Variants in FRS2 observed in about 807,000 individuals in gnomAD.
FRS2 encodes fibroblast growth factor receptor substrate 2.
A neutral mutation model predicts 43.9 loss-of-function variants in FRS2; 8 were observed. The ratio of observed to expected loss-of-function variants is 0.18; its 90% CI spans 0.11 to 0.33. The LOEUF is 0.33. FRS2 is among the 10% of genes least tolerant of loss of function. The pLI is 1.00. For synonymous variants in FRS2, 219 were observed against 220.3 expected (o/e 0.99, Z 0.05); for missense variants, 534 against 627.6 (o/e 0.85, Z 1.59).
chr12:69,529,514 C>G (rs1048150170), intron 1 of FRS2, among the ~76,000 whole-genome samples: 1 of 151,922 alleles, frequency 6.6e-6, no homozygotes, highest in Admixed American at 6.6e-5. Flanking sequence ...ATCCCAGCTA[C>G]TCGGGAGGCT....
chr12:69,535,619 T>C (rs950605992), intron 3 of FRS2, among the ~76,000 whole-genome samples: 1 of 152,212 alleles, frequency 6.6e-6, no homozygotes, highest in African/African-American at 2.4e-5. Flanking sequence ...TTTTTATAAA[T>C]GTTCCATGTG....
intron 3 of FRS2, among the ~76,000 whole-genome samples, chr12:69,548,073 A>C (rs891530371): frequency 1.8e-4 from 27 of 152,094 alleles, no homozygotes; most frequent in Middle Eastern, 3.4e-3. Flanking sequence ...GGCTGGTCTT[A>C]AACTCCTGGC....
chr12:69,518,503 T>G (rs1265966784), intron 1 of FRS2, among the ~76,000 whole-genome samples: 1 of 151,916 alleles, frequency 6.6e-6, no homozygotes, highest in African/African-American at 2.4e-5. Context: ...GCTCAGGAGT[T>G]TGACACCAGC....
rs1355686269 is a variant in FRS2, at chr12:69,574,590, C to G, written c.1162C>G (p.Pro388Ala). 1.2e-6 allele frequency: 2 copies of G among 1,613,828 alleles called. No individual in the cohort carries two copies. Among genetic ancestry groups the G allele is most frequent in the Admixed American group, 1.7e-5 (1 of 60,016 alleles). Residue 388 changes from proline (P) to alanine (A), a missense_variant, in exon 9 of 9, where the codon CCA (proline) becomes GCA (alanine). Coordinates refer to ENST00000549921, the MANE Select transcript of FRS2 (RefSeq NM_001278356.2). ...SLNGYHNNLD[P>A]MHNYVNTENV... ...AAATGGCTACCATAATAATCTAGATCCAATGCATAACTATGTAAATACAGA... is the reference window on the plus strand; with the variant it reads ...AAATGGCTACCATAATAATCTAGATGCAATGCATAACTATGTAAATACAGA...
intron 1 of FRS2, among the ~76,000 whole-genome samples, chr12:69,520,371 T>C (rs1875508470): frequency 7.2e-6 from 1 of 138,582 alleles, no homozygotes; most frequent in Non-Finnish European, 1.5e-5. Context: ...TTTCCTCTAT[T>C]ATTAGTTTTT....
intron 1 of FRS2, among the ~76,000 whole-genome samples, chr12:69,525,228 T>C (rs1384201622): frequency 6.6e-6 from 1 of 151,954 alleles, no homozygotes; most frequent in Admixed American, 6.6e-5. Flanking sequence ...GCATTTTATG[T>C]CATGGCCTAG....
At chr12:69,491,634 A>G (rs7310226) in intron 1 of FRS2, 57,670 of 150,000 alleles carry the variant, frequency 0.38, 11,566 homozygotes, top group South Asian at 0.58. Flanking sequence ...CCAAGTAGGT[A>G]GGACCACAGG....
chr12:69,540,180 G>A (rs1877752025), intron 3 of FRS2, among the ~76,000 whole-genome samples: 3 of 151,572 alleles, frequency 2.0e-5, no homozygotes, highest in Non-Finnish European at 4.4e-5. Flanking sequence ...ATGAACCCAG[G>A]AGGCAGAGCT....
intron 1 of FRS2, among the ~76,000 whole-genome samples, chr12:69,503,692 G>A (rs1438261871): frequency 2.0e-5 from 3 of 152,142 alleles, no homozygotes; most frequent in African/African-American, 4.8e-5. Flanking sequence ...AGGAACTGCT[G>A]AAGTTGTGAA....
chr12:69,488,757 T>C (rs943811258), intron 1 of FRS2, among the ~76,000 whole-genome samples: 1 of 152,222 alleles, frequency 6.6e-6, no homozygotes, highest in African/African-American at 2.4e-5. Flanking sequence ...ACAACCTTTT[T>C]CCTCATAATT....
At chr12:69,471,845 A>T (rs1475709992) in intron 1 of FRS2, among the ~76,000 whole-genome samples, 2 of 150,852 alleles carry the variant, frequency 1.3e-5, no homozygotes, top group African/African-American at 4.9e-5. Context: ...ATTAGGGTTT[A>T]TTCTGTAGTT....
intron 3 of FRS2, among the ~76,000 whole-genome samples, chr12:69,543,241 T>C (rs1488371729): frequency 1.3e-5 from 2 of 152,358 alleles, no homozygotes; most frequent in East Asian, 1.9e-4. Flanking sequence ...TTAAGTAACA[T>C]ATGTTAATAA....
At chr12:69,530,168 T>G (rs1434373131) in intron 1 of FRS2, among the ~76,000 whole-genome samples, 1 of 146,354 alleles carries the variant, frequency 6.8e-6, no homozygotes, top group African/African-American at 2.7e-5. Context: ...TTATAACAAT[T>G]AATGATAATA....
At chr12:69,544,695 A>T (rs1282043158) in intron 3 of FRS2, among the ~76,000 whole-genome samples, 1 of 152,006 alleles carries the variant, frequency 6.6e-6, no homozygotes, top group Non-Finnish European at 1.5e-5. Flanking sequence ...TGACAGCAAG[A>T]CTCCATCTCG....
At position 69,577,252 on chromosome 12, in the gene FRS2, T is replaced by C; in HGVS notation, c.*2297T>C. 1 of 152,158 alleles carries C rather than the reference T, an allele frequency of 6.6e-6. No individual in the cohort carries two copies. Among genetic ancestry groups the C allele is most frequent in the Non-Finnish European group, 1.5e-5 (1 of 67,990 alleles). 9.4% of individuals were successfully genotyped at this position (152,158 alleles called of 1,614,324 possible). The stretch of plus-strand genomic sequence containing the variant: ...ATGGGACCAATTTGTCTGCTAAGAA[T>C]TTGATTTTAGGTACTATAAGAGTAT... On this transcript the variant is annotated 3_prime_UTR_variant, in exon 9 of 9. Coordinates refer to ENST00000549921, the MANE Select transcript of FRS2 (RefSeq NM_001278356.2).
chr12:69,556,345 C>CTTTT (rs760512474), intron 3 of FRS2, among the ~76,000 whole-genome samples: 3 of 146,494 alleles, frequency 2.0e-5, no homozygotes, highest in Non-Finnish European at 4.5e-5. Flanking sequence ...TTCTTTCTTT[C>CTTTT]TTTTTTTTTT....
chr12:69,484,083 A>T (rs1194597326), intron 1 of FRS2, among the ~76,000 whole-genome samples: 1 of 149,342 alleles, frequency 6.7e-6, no homozygotes, highest in Middle Eastern at 3.5e-3. Flanking sequence ...TTAATTGGAA[A>T]AGCTTTTCTT....
At position 69,557,619 on chromosome 12, in the gene FRS2, T is replaced by TGTGTGTGCGCGC. The variant is rs1555192498; in HGVS notation, c.-121-4560_-121-4559insTGTGTGCGCGCG. On this transcript the variant is annotated intron_variant, in intron 3 of 8. Transcript: ENST00000549921. ...TTGTGTGTGTGTGTGTGTGTGTGTG[T>TGTGTGTGCGCGC]GCGCGCGCGCGCGCGCGCAGGTGCA... is the stretch of plus-strand genomic sequence containing the variant. Among the ~76,000 whole-genome samples, 116 of 119,008 alleles carry TGTGTGTGCGCGC rather than the reference T, an allele frequency of 9.7e-4. 2 individuals are homozygous for TGTGTGTGCGCGC. The highest frequency in any genetic ancestry group is 4.2e-3 in the East Asian group (17 of 4,018). The allele number at this position is 119,008 out of a possible 152,430, so 78.1% of individuals were successfully genotyped here. A position where few individuals can be genotyped will look rare whatever the true frequency, so the allele number is the denominator to read the frequency against.
chr12:69,562,774 C>T (rs556138730), intron 4 of FRS2, among the ~76,000 whole-genome samples: 3 of 152,206 alleles, frequency 2.0e-5, no homozygotes, highest in South Asian at 2.1e-4. Context: ...ACTGCAGCCT[C>T]GACCACCTGG....
Sources: allele counts gnomAD v4.1 joint callset (sites outside exome capture counted in the v4.1 genomes callset), GRCh38; gene constraint gnomAD v4.1.1; transcripts MANE v1.5; gene names NCBI Gene and HGNC (gene_info 2026-07-23, HGNC 2026-07-21).